Variants in UVRAG observed in about 807,000 individuals in gnomAD.
The protein encoded by UVRAG is UV radiation resistance associated.
Under a neutral mutation model 78.0 loss-of-function variants are expected in UVRAG, and 19 were observed. That is an observed-to-expected ratio of 0.24 (90% CI 0.17 to 0.36). The LOEUF (loss-of-function observed/expected upper bound fraction) is 0.36. Among genes scored for constraint, UVRAG ranks in the 10% least tolerant of loss-of-function variants. The pLI is 1.00. For synonymous variants in UVRAG, 323 were observed against 324.6 expected (o/e 1.00, Z 0.05); for missense variants, 740 against 853.8 (o/e 0.87, Z 1.66).
At chr11:76,132,568 C>T (rs1222334119) in intron 14 of UVRAG, among the ~76,000 whole-genome samples, 1 of 152,012 alleles carries the variant, frequency 6.6e-6, no homozygotes, top group Non-Finnish European at 1.5e-5. Flanking sequence ...AAAAGTGTTT[C>T]AAATTGTTAA....
chr11:76,073,419 A>C (rs1310570795), intron 13 of UVRAG, among the ~76,000 whole-genome samples: 1 of 152,208 alleles, frequency 6.6e-6, no homozygotes, highest in South Asian at 2.1e-4. Context: ...CTTAAAGGAA[A>C]TCAACTGATG....
chr11:75,899,647 T>G (rs1947440952), intron 5 of UVRAG, among the ~76,000 whole-genome samples: 1 of 152,188 alleles, frequency 6.6e-6, no homozygotes, highest in African/African-American at 2.4e-5. Flanking sequence ...TCCCACTTCA[T>G]ATAGTGTGAC....
intron 8 of UVRAG, among the ~76,000 whole-genome samples, chr11:75,987,700 G>A (rs1046137250): frequency 2.7e-5 from 4 of 150,124 alleles, no homozygotes; most frequent in Admixed American, 6.6e-5. Flanking sequence ...GTGGTTTACC[G>A]TTTTGCATCC....
At chr11:75,849,376 C>T (rs1320756056) in intron 1 of UVRAG, among the ~76,000 whole-genome samples, 1 of 151,612 alleles carries the variant, frequency 6.6e-6, no homozygotes, top group African/African-American at 2.4e-5. Flanking sequence ...TGCCTGTAGT[C>T]CCAGCTACTT....
intron 6 of UVRAG, among the ~76,000 whole-genome samples, chr11:75,955,226 A>G (rs1948771728): frequency 6.6e-6 from 1 of 152,180 alleles, no homozygotes; most frequent in African/African-American, 2.4e-5. Flanking sequence ...CCAAGAGGCA[A>G]CAGGATGGAG....
intron 14 of UVRAG, among the ~76,000 whole-genome samples, chr11:76,130,520 A>T (rs969250302): frequency 6.6e-6 from 1 of 152,242 alleles, no homozygotes; most frequent in African/African-American, 2.4e-5. Context: ...CCAAGATGTC[A>T]TCTCTAGAGT....
intron 3 of UVRAG, among the ~76,000 whole-genome samples, chr11:75,870,213 A>T (rs1246924252): frequency 1.3e-5 from 2 of 152,208 alleles, no homozygotes; most frequent in African/African-American, 2.4e-5. Flanking sequence ...ACTGTTTTGT[A>T]ATAGTATAAA....
At chr11:75,955,152 T>A (rs1305948639) in intron 6 of UVRAG, among the ~76,000 whole-genome samples, 2 of 152,160 alleles carry the variant, frequency 1.3e-5, no homozygotes, top group African/African-American at 4.8e-5. Flanking sequence ...TAAAATTACT[T>A]TAGAGCTGTC....
In UVRAG at chr11:76,093,287, A is replaced by G. The variant is rs1179480350; in HGVS notation, c.1306-22637A>G. ...CTTGTAGTGTAGTTTGGAGTCAGGT[A>G]GCGTGATGCCTCCAGCTTTGTTCTT... On this transcript the variant is annotated intron_variant, in intron 13 of 14. Transcript: ENST00000356136. Among the ~76,000 whole-genome samples the G allele has an allele frequency of 2.0e-5, 3 of 152,300 alleles. No individual in the cohort carries two copies. The East Asian group carries it at 5.8e-4, about 29-fold the overall frequency.
At chr11:76,014,945 G>A (rs1041621299) in intron 11 of UVRAG, among the ~76,000 whole-genome samples, 4 of 152,116 alleles carry the variant, frequency 2.6e-5, no homozygotes, top group Admixed American at 6.6e-5. Flanking sequence ...AAGAGGACAC[G>A]GTCTCTAAAA....
chr11:76,084,892 C>A (rs138728289), intron 13 of UVRAG, among the ~76,000 whole-genome samples: 1 of 151,818 alleles, frequency 6.6e-6, no homozygotes, highest in African/African-American at 2.4e-5. Flanking sequence ...AACCCCATTT[C>A]TACTAAAAAT....
chr11:76,086,141 C>T (rs1298281635), intron 13 of UVRAG, among the ~76,000 whole-genome samples: 3 of 152,170 alleles, frequency 2.0e-5, no homozygotes, highest in Non-Finnish European at 2.9e-5. Flanking sequence ...ATTTAAAATT[C>T]GGGCCTGTTA....
chr11:76,097,503 T>C (rs1007144599), intron 13 of UVRAG, among the ~76,000 whole-genome samples: 1 of 152,200 alleles, frequency 6.6e-6, no homozygotes, highest in African/African-American at 2.4e-5. Flanking sequence ...CACTGAGACT[T>C]AGGTGTTCCT....
intron 6 of UVRAG, among the ~76,000 whole-genome samples, chr11:75,926,376 A>G (rs1178975749): frequency 6.6e-6 from 1 of 152,200 alleles, no homozygotes; most frequent in Non-Finnish European, 1.5e-5. Context: ...AAGTAAACTA[A>G]TGTCATAGAG....
At chr11:76,080,419 A>G (rs1384181963) in intron 13 of UVRAG, among the ~76,000 whole-genome samples, 2 of 152,152 alleles carry the variant, frequency 1.3e-5, no homozygotes, top group African/African-American at 2.4e-5. Flanking sequence ...ACTGTGTTAC[A>G]TGTTTGTTTT....
At chr11:76,042,275 T>A (rs1254041528) in intron 12 of UVRAG, among the ~76,000 whole-genome samples, 2 of 152,134 alleles carry the variant, frequency 1.3e-5, no homozygotes, top group Non-Finnish European at 2.9e-5. Context: ...CAGAAAACAC[T>A]ATGGAGTGAA....
intron 12 of UVRAG, among the ~76,000 whole-genome samples, chr11:76,038,467 G>A (rs1950581156): frequency 6.6e-6 from 1 of 152,156 alleles, no homozygotes; most frequent in South Asian, 2.1e-4. Flanking sequence ...GAGATAATTT[G>A]AAGTATACAG....
At chr11:76,114,471 C>T (rs1952138054) in intron 13 of UVRAG, among the ~76,000 whole-genome samples, 1 of 152,156 alleles carries the variant, frequency 6.6e-6, no homozygotes, top group South Asian at 2.1e-4. Context: ...TGCCATTGAA[C>T]CATGCGGCCC....
chr11:75,901,746 G>A (rs979285654), intron 5 of UVRAG, among the ~76,000 whole-genome samples: 1 of 152,056 alleles, frequency 6.6e-6, no homozygotes, highest in African/African-American at 2.4e-5. Flanking sequence ...AGCAGTGTTT[G>A]CCCTCAATAA....
Sources: allele counts gnomAD v4.1 joint callset (sites outside exome capture counted in the v4.1 genomes callset), GRCh38; gene constraint gnomAD v4.1.1; transcripts MANE v1.5; gene names NCBI Gene and HGNC (gene_info 2026-07-23, HGNC 2026-07-21).